MALRD1: variants seen among roughly 807,000 people sequenced by gnomAD.
MALRD1 encodes MAM and LDL receptor class A domain containing 1, also known as MAM and LDL-receptor class A domain-containing protein 1.
MALRD1 carries 247 observed loss-of-function variants against 242.1 expected under a neutral mutation model. The observed-to-expected ratio is 1.02, with a 90% CI of 0.92 to 1.13. The LOEUF is 1.13. Among genes scored for constraint, MALRD1 ranks in the 50% most tolerant of loss-of-function variants. The pLI, the probability that MALRD1 is intolerant of heterozygous loss-of-function variation, is 0.00. For missense variants in MALRD1, 2,989 were observed against 2,533.1 expected (o/e 1.18, Z -3.86); for synonymous variants, 995 against 866.6 (o/e 1.15, Z -2.60).
chr10:19,468,513 T>C (rs1836337743), intron 29 of MALRD1, among the ~76,000 whole-genome samples: 1 of 152,152 alleles, frequency 6.6e-6, no homozygotes, highest in African/African-American at 2.4e-5. Flanking sequence ...CCTAGATACA[T>C]TTTCATGAGT....
At chr10:19,690,545 T>C (rs1354897747) in intron 36 of MALRD1, among the ~76,000 whole-genome samples, 1 of 152,092 alleles carries the variant, frequency 6.6e-6, no homozygotes, top group East Asian at 1.9e-4. Context: ...CTGTTATTTT[T>C]ATTTTTATAG....
At chr10:19,576,361 T>C (rs981523630) in intron 33 of MALRD1, among the ~76,000 whole-genome samples, 4 of 152,174 alleles carry the variant, frequency 2.6e-5, no homozygotes, top group African/African-American at 9.7e-5. Flanking sequence ...AACATGCATC[T>C]CTGGATGATA....
intron 32 of MALRD1, among the ~76,000 whole-genome samples, chr10:19,532,678 C>T (rs997218091): frequency 8.6e-5 from 13 of 152,040 alleles, no homozygotes; most frequent in Non-Finnish European, 1.5e-4. Context: ...TTCTAGACAG[C>T]GACAGAAATT....
chr10:19,124,058 A>T (rs1453817246), intron 6 of MALRD1, among the ~76,000 whole-genome samples: 1 of 151,484 alleles, frequency 6.6e-6, no homozygotes, highest in Non-Finnish European at 1.5e-5. Flanking sequence ...AAAAAAAAAA[A>T]AAAAAAGAAT....
chr10:19,599,171 G>A (rs1272875319), intron 34 of MALRD1, among the ~76,000 whole-genome samples: 1 of 152,140 alleles, frequency 6.6e-6, no homozygotes, highest in African/African-American at 2.4e-5. Flanking sequence ...TGGTTTCTTT[G>A]TTTTCAGTGG....
At chr10:19,158,741 G>C (rs1376363081) in intron 12 of MALRD1, among the ~76,000 whole-genome samples, 1 of 152,168 alleles carries the variant, frequency 6.6e-6, no homozygotes, top group Non-Finnish European at 1.5e-5. Flanking sequence ...GTTGTTTAGT[G>C]GGGGATACTG....
intron 28 of MALRD1, among the ~76,000 whole-genome samples, chr10:19,427,270 G>T (rs1833938768): frequency 6.6e-6 from 1 of 152,084 alleles, no homozygotes; most frequent in South Asian, 2.1e-4. Flanking sequence ...CTTGCCCAAG[G>T]CTTTAAGGGA....
chr10:19,730,238 G>T (rs1835232955), intron 38 of MALRD1, among the ~76,000 whole-genome samples: 1 of 152,200 alleles, frequency 6.6e-6, no homozygotes. Flanking sequence ...TAAAGACTAT[G>T]ACTCATGTGC....
intron 38 of MALRD1, among the ~76,000 whole-genome samples, chr10:19,712,703 T>TA (rs1834187173): frequency 6.6e-6 from 1 of 152,212 alleles, no homozygotes; most frequent in Admixed American, 6.5e-5. Context: ...TAGAGCCATT[T>TA]GTAGGGAAAA....
chr10:19,495,365 T>G (rs956891006), intron 30 of MALRD1, among the ~76,000 whole-genome samples: 1 of 151,230 alleles, frequency 6.6e-6, no homozygotes, highest in Non-Finnish European at 1.5e-5. Flanking sequence ...AAAGGGAACC[T>G]CATCAGACTA....
chr10:19,437,702 T>C (rs967837090), intron 28 of MALRD1, among the ~76,000 whole-genome samples: 1 of 152,150 alleles, frequency 6.6e-6, no homozygotes, highest in African/African-American at 2.4e-5. Flanking sequence ...ATACTAATGC[T>C]AGCTGCTGAT....
intron 36 of MALRD1, among the ~76,000 whole-genome samples, chr10:19,619,568 A>G (rs1839311817): frequency 6.6e-6 from 1 of 152,108 alleles, no homozygotes; most frequent in African/African-American, 2.4e-5. Flanking sequence ...GATATAAATT[A>G]ATGAAACAGG....
chr10:19,303,634 A>T (rs1417475028), intron 21 of MALRD1, among the ~76,000 whole-genome samples: 1 of 151,814 alleles, frequency 6.6e-6, no homozygotes, highest in South Asian at 2.1e-4. Flanking sequence ...ATACAAAAAC[A>T]AAAATAAATG....
intron 21 of MALRD1, among the ~76,000 whole-genome samples, chr10:19,306,075 C>CAATT (rs1842169169): frequency 8.9e-6 from 1 of 111,802 alleles, no homozygotes; most frequent in African/African-American, 3.6e-5. Flanking sequence ...ACTATATATA[C>CAATT]TATATACTAT....
At chr10:19,131,444 A>G (rs1588590156) in intron 8 of MALRD1, among the ~76,000 whole-genome samples, 1 of 152,156 alleles carries the variant, frequency 6.6e-6, no homozygotes, top group African/African-American at 2.4e-5. Context: ...AGTTTGTACC[A>G]TCTAACCATT....
chr10:19,612,966 G>C (rs1340208066), intron 35 of MALRD1, among the ~76,000 whole-genome samples: 1 of 151,906 alleles, frequency 6.6e-6, no homozygotes, highest in Non-Finnish European at 1.5e-5. Context: ...TGCTTAACAG[G>C]CTACTCTCTC....
chr10:19,162,493 G>A (rs909452687), intron 12 of MALRD1, among the ~76,000 whole-genome samples: 1 of 152,114 alleles, frequency 6.6e-6, no homozygotes, highest in African/African-American at 2.4e-5. Context: ...TCTGCTACTG[G>A]CATGTACCAG....
chr10:19,712,819 T>TCTC (rs1350262183), intron 38 of MALRD1, among the ~76,000 whole-genome samples: 22 of 152,272 alleles, frequency 1.4e-4, no homozygotes, highest in African/African-American at 5.1e-4. Flanking sequence ...AAAAGACTAT[T>TCTC]TTTAGAAGAG....
intron 13 of MALRD1, among the ~76,000 whole-genome samples, chr10:19,172,027 TCACATATATGTGATATATATCATATATCA>T (rs1564441460): frequency 2.6e-5 from 1 of 39,138 alleles, no homozygotes; most frequent in Non-Finnish European, 4.2e-5. Flanking sequence ...ATATCATATA[TCACATATATGTGATATATATCATATATCA>T]CATATATGTG....
Sources: allele counts gnomAD v4.1 joint callset (sites outside exome capture counted in the v4.1 genomes callset), GRCh38; gene constraint gnomAD v4.1.1; transcripts MANE v1.5; gene names NCBI Gene and HGNC (gene_info 2026-07-23, HGNC 2026-07-21).